PDCD6IP: variants seen among roughly 807,000 people sequenced by gnomAD.
The protein encoded by PDCD6IP is programmed cell death 6 interacting protein, also known as programmed cell death 6-interacting protein.
Under a neutral mutation model 103.7 loss-of-function variants are expected in PDCD6IP, and 43 were observed. That is an observed-to-expected ratio of 0.41 (90% confidence interval 0.32 to 0.53). The LOEUF (loss-of-function observed/expected upper bound fraction) is 0.53, where lower values mean the gene tolerates loss of function less well. Among genes scored for constraint, PDCD6IP ranks in the 20% least tolerant of loss-of-function variants. The probability of loss-of-function intolerance (pLI) is 0.16; values close to 1 mark genes in which losing one functional copy is unlikely to be tolerated. For synonymous variants in PDCD6IP, 354 were observed against 378.7 expected (o/e 0.93, Z 0.76); for missense variants, 871 against 1,036.7 (o/e 0.84, Z 2.20).
At chr3:33,799,047 C>T (rs1696404813) in intron 1 of PDCD6IP, 110 bp downstream of exon 1, 2 of 1,049,742 alleles carry the variant, frequency 1.9e-6, no homozygotes, top group South Asian at 3.3e-5. Context: ...GCCGCCCCGT[C>T]CCGGCCTGAC....
Position 33,828,889 on chromosome 3 carries a change from A to T in PDCD6IP, c.754A>T (p.Met252Leu). ...FPVLAAKHCIMQANAEYHQSI... is the reference protein window; with the variant it reads ...FPVLAAKHCILQANAEYHQSI... ...TGTCTTGGCTGCAAAGCACTGTATC[A>T]TGCAGGCCAATGCTGAGTACCATCA... The change falls in exon 7 of 18, where the codon ATG becomes TTG. Residue 252 changes from methionine (M) to leucine (L), a missense_variant. Met to Leu is a conservative substitution (Grantham distance 15, BLOSUM62 2). Around this residue, in one of 5 missense-constraint regions of PDCD6IP, gnomAD observed 242 missense variants for 250.7 expected, o/e 0.97. Transcript: ENST00000307296. 3 of 1,612,572 alleles carry T rather than the reference A, an allele frequency of 1.9e-6. No individual in the cohort carries two copies. The highest frequency in any genetic ancestry group is 2.5e-6 in the Non-Finnish European group (3 of 1,178,932).
intron 1 of PDCD6IP, among the ~76,000 whole-genome samples, chr3:33,806,584 C>T (rs763700644): frequency 7.9e-5 from 12 of 152,330 alleles, no homozygotes; most frequent in Non-Finnish European, 1.8e-4. Context: ...CAACTCCTGG[C>T]TTAGCATACT....
At chr3:33,821,312 G>A (rs1485378563) in intron 3 of PDCD6IP, among the ~76,000 whole-genome samples, 18 of 151,870 alleles carry the variant, frequency 1.2e-4, no homozygotes, top group Admixed American at 1.2e-3. Flanking sequence ...GCCCAACCAC[G>A]AGTTTGCGTT....
chr3:33,865,128 A>G, intron 16 of PDCD6IP, 115 bp from the exon 17 acceptor site: 1 of 651,386 alleles, frequency 1.5e-6, no homozygotes, highest in East Asian at 3.4e-5. Context: ...AATGGGAATT[A>G]AAAATATATT....
chr3:33,865,648 A>T (rs1465250619), intron 17 of PDCD6IP, among the ~76,000 whole-genome samples: 1 of 152,182 alleles, frequency 6.6e-6, no homozygotes, highest in Non-Finnish European at 1.5e-5. Context: ...TATATTTTAC[A>T]TATTGGGTTT....
At chr3:33,822,821 A>G (rs1257095858) in intron 4 of PDCD6IP, among the ~76,000 whole-genome samples, 2 of 151,770 alleles carry the variant, frequency 1.3e-5, no homozygotes, top group African/African-American at 4.8e-5. Flanking sequence ...TCGCCTGGCT[A>G]ATTTTTTTTG....
At position 33,825,327 on chromosome 3, in the gene PDCD6IP, A is replaced by T. The variant is rs760399252; in HGVS notation, c.603A>T (p.Leu201Phe). ...MLAQAQEVFFLKATRDKMKDA... is the reference protein window; with the variant it reads ...MLAQAQEVFFFKATRDKMKDA... ...CACAGGCTCAAGAAGTATTTTTTTTAAAAGCCACAAGAGGTAACTCCAATT... is the reference window on the plus strand; with the variant it reads ...CACAGGCTCAAGAAGTATTTTTTTTTAAAGCCACAAGAGGTAACTCCAATT... The change falls in exon 5 of 18, where the codon TTA becomes TTT. Residue 201 changes from leucine (L) to phenylalanine (F), a missense_variant. By Grantham distance (22) the Leu-to-Phe change is conservative. Transcript: ENST00000307296. 56 of 1,599,932 alleles carry T rather than the reference A, an allele frequency of 3.5e-5. No individual in the cohort carries two copies. Among genetic ancestry groups the T allele is most frequent in the Non-Finnish European group, 4.5e-5 (53 of 1,176,720 alleles).
intron 2 of PDCD6IP, 89 bp downstream of exon 2, chr3:33,812,215 A>C (rs1019016384): frequency 1.3e-5 from 19 of 1,474,850 alleles, no homozygotes; most frequent in Non-Finnish European, 1.7e-5. Flanking sequence ...GTTTTATGAG[A>C]TAGTGTTATA....
intron 11 of PDCD6IP, 36 bp downstream of exon 11, chr3:33,844,259 A>T (rs760952504): frequency 8.3e-7 from 1 of 1,207,602 alleles, no homozygotes; most frequent in Non-Finnish European, 1.1e-6. Context: ...ATTTGAATAA[A>T]TTCCCAATTT....
intron 1 of PDCD6IP, among the ~76,000 whole-genome samples, chr3:33,805,914 T>G (rs996466578): frequency 3.3e-5 from 5 of 152,016 alleles, no homozygotes; most frequent in Admixed American, 6.5e-5. Flanking sequence ...CCGGCTAATT[T>G]TTTTGTGTTT....
intron 1 of PDCD6IP, among the ~76,000 whole-genome samples, chr3:33,810,413 A>G (rs1339457093): frequency 1.3e-5 from 2 of 152,134 alleles, no homozygotes; most frequent in South Asian, 2.1e-4. Context: ...ACTTTCTGGC[A>G]TAGCAAGATG....
chr3:33,808,988 A>G (rs1450415842), intron 1 of PDCD6IP, among the ~76,000 whole-genome samples: 1 of 152,184 alleles, frequency 6.6e-6, no homozygotes, highest in Non-Finnish European at 1.5e-5. Flanking sequence ...AAATTCTCAG[A>G]TATCTGCTTG....
chr3:33,808,401 A>G (rs1042605286), intron 1 of PDCD6IP, among the ~76,000 whole-genome samples: 1 of 152,096 alleles, frequency 6.6e-6, no homozygotes, highest in Non-Finnish European at 1.5e-5. Context: ...ATCCCGCTGC[A>G]TAGTCCCTTT....
intron 1 of PDCD6IP, among the ~76,000 whole-genome samples, chr3:33,803,290 A>G (rs1231978070): frequency 6.6e-6 from 1 of 152,182 alleles, no homozygotes; most frequent in Non-Finnish European, 1.5e-5. Flanking sequence ...TTATTCTTCC[A>G]TATCCTTGCT....
chr3:33,835,939 T>G (rs1697336541), intron 7 of PDCD6IP, 105 bp from the exon 8 acceptor site: 2 of 676,620 alleles, frequency 3.0e-6, no homozygotes, highest in Admixed American at 5.7e-5. Flanking sequence ...AGTCTTCAGA[T>G]TAAAGATTTT....
chr3:33,840,537 A>G (rs1227824713), intron 9 of PDCD6IP, among the ~76,000 whole-genome samples: 3 of 152,254 alleles, frequency 2.0e-5, no homozygotes, highest in Non-Finnish European at 2.9e-5. Context: ...ACAAGAAAGG[A>G]ATGTAAGTTT....
chr3:33,811,232 T>C (rs904244912), intron 1 of PDCD6IP: 2 of 197,500 alleles, frequency 1.0e-5, no homozygotes, highest in African/African-American at 4.8e-5. Context: ...GCTTCCATTA[T>C]CTTCAATGTA....
At chr3:33,809,061 T>C (rs1696659793) in intron 1 of PDCD6IP, among the ~76,000 whole-genome samples, 1 of 152,218 alleles carries the variant, frequency 6.6e-6, no homozygotes, top group Non-Finnish European at 1.5e-5. Flanking sequence ...AAAACTTTTT[T>C]TCATGTAGTC....
chr3:33,824,446 CG>C (rs1697065927), intron 4 of PDCD6IP, among the ~76,000 whole-genome samples: 1 of 151,824 alleles, frequency 6.6e-6, no homozygotes, highest in South Asian at 2.1e-4. Flanking sequence ...TTAGTAGAGA[CG>C]GGGTTTCATC....
Sources: gnomAD v4.1 joint callset for allele counts (sites outside exome capture counted in the v4.1 genomes callset) on GRCh38, gnomAD v4.1.1 for gene constraint, gnomAD v4.1.1 regional missense constraint, MANE v1.5 for transcripts, NCBI Gene and HGNC (gene_info 2026-07-23, HGNC 2026-07-21) for gene names.